CNKSR3: variants seen among roughly 807,000 people sequenced by gnomAD.
CNKSR3 encodes the protein CNKSR family member 3, also known as connector enhancer of kinase suppressor of ras 3.
CNKSR3 carries 36 observed loss-of-function variants against 67.7 expected under a neutral mutation model. That is an observed-to-expected ratio of 0.53 (90% CI 0.41 to 0.70). The LOEUF (loss-of-function observed/expected upper bound fraction) is 0.70. CNKSR3 is among the 30% of genes least tolerant of loss of function. CNKSR3 has a pLI of 0.00. For missense variants in CNKSR3, 630 were observed against 695.2 expected, an observed-to-expected ratio of 0.91 and a Z score of 1.05; for synonymous variants, 281 against 271.4, an observed-to-expected ratio of 1.04 and a Z score of -0.35.
chr6:154,395,810 C>T lies in CNKSR3; in HGVS notation c.*10544G>A, dbSNP rs1355689003. 2 of 152,644 alleles carry T rather than the reference C, an allele frequency of 1.3e-5. No individual in the cohort carries two copies. Among genetic ancestry groups the T allele is most frequent in the Middle Eastern group, 6.8e-3 (2 of 296 alleles). 9.5% of individuals were successfully genotyped at this position (152,644 alleles called of 1,614,324 possible). On this transcript the variant is annotated 3_prime_UTR_variant, in exon 13 of 13. Transcript: ENST00000607772. ...AGTGCAGTGGTGCAATCTGGGCTTACTGCAGCCTCTACCTCTCAGGCTCAA... is the reference window on the plus strand; with the variant it reads ...AGTGCAGTGGTGCAATCTGGGCTTATTGCAGCCTCTACCTCTCAGGCTCAA...
chr6:154,406,575 G>C lies in CNKSR3; in HGVS notation c.1447C>G (p.Arg483Gly). 1 of 1,614,210 alleles carries C rather than the reference G, an allele frequency of 6.2e-7. No homozygotes were observed. The highest frequency in any genetic ancestry group is 8.5e-7 in the Non-Finnish European group (1 of 1,180,042). ...CGCTCGGTCGTGGGTCTGGAGAACCGGTATGGGGGAGAGGAGCTCTCTTCA... is the reference window on the plus strand; with the variant it reads ...CGCTCGGTCGTGGGTCTGGAGAACCCGTATGGGGGAGAGGAGCTCTCTTCA... ...IIEESSSPPYRFSRPTTERHL... is the reference protein window; with the variant it reads ...IIEESSSPPYGFSRPTTERHL... The change falls in exon 13 of 13, where the codon CGG (arginine) becomes GGG (glycine). Residue 483 changes from arginine (R) to glycine (G), a missense_variant. Arg to Gly is a moderately radical substitution (Grantham distance 125). Coordinates refer to ENST00000607772, the MANE Select transcript of CNKSR3 (RefSeq NM_173515.4).
At chr6:154,453,367 C>T (rs1785878878) in intron 1 of CNKSR3, among the ~76,000 whole-genome samples, 1 of 152,112 alleles carries the variant, frequency 6.6e-6, no homozygotes, top group Non-Finnish European at 1.5e-5. Context: ...GAGTTCTAGA[C>T]AGTATGCAGG....
chr6:154,468,427 C>CACAA (rs751803019), intron 1 of CNKSR3, among the ~76,000 whole-genome samples: 1 of 151,044 alleles, frequency 6.6e-6, no homozygotes, highest in Non-Finnish European at 1.5e-5. Context: ...CACACACACA[C>CACAA]ACACACCATG....
chr6:154,441,260 A>ATG, intron 4 of CNKSR3, 32 bp downstream of exon 4: 6 of 1,259,110 alleles, frequency 4.8e-6, no homozygotes, highest in South Asian at 1.4e-5. Context: ...AAAAAAAAAA[A>ATG]AAAAAGAAAG....
In CNKSR3 at chr6:154,394,418, T is replaced by C. The variant is rs117426320; in HGVS notation, c.*11936A>G. 1,221 of 152,002 alleles carry C rather than the reference T, an allele frequency of 8.0e-3. 7 individuals carry two copies. Among genetic ancestry groups the C allele is most frequent in the Non-Finnish European group, 0.014 (953 of 67,942 alleles). 9.4% of individuals were successfully genotyped at this position (152,002 alleles called of 1,614,324 possible). On this transcript the variant is annotated 3_prime_UTR_variant, in exon 13 of 13. Coordinates refer to ENST00000607772, the MANE Select transcript of CNKSR3 (RefSeq NM_173515.4). ...GCCTGGGTCACCTTGAAGTCCAAAA[T>C]TGGAGACACCATAACCACGCTGGAG... is the stretch of plus-strand genomic sequence containing the variant.
At chr6:154,424,792 GTCTCACT>G (rs1785222719) in intron 7 of CNKSR3, among the ~76,000 whole-genome samples, 1 of 152,108 alleles carries the variant, frequency 6.6e-6, no homozygotes, top group Non-Finnish European at 1.5e-5. Context: ...TTTTGAGACA[GTCTCACT>G]CACGCTCAGT....
intron 1 of CNKSR3, among the ~76,000 whole-genome samples, chr6:154,506,764 T>G (rs575693906): frequency 6.6e-6 from 1 of 152,402 alleles, no homozygotes; most frequent in East Asian, 1.9e-4. Flanking sequence ...AGGCCTTTAC[T>G]GAACTGACTG....
chr6:154,435,299 A>G (rs945055916), intron 4 of CNKSR3, among the ~76,000 whole-genome samples: 1 of 151,918 alleles, frequency 6.6e-6, no homozygotes, highest in Non-Finnish European at 1.5e-5. Flanking sequence ...CCGGCCCACA[A>G]ATCTCTAAAT....
At chr6:154,484,334 G>C (rs140140693) in intron 1 of CNKSR3, among the ~76,000 whole-genome samples, 36 of 152,158 alleles carry the variant, frequency 2.4e-4, no homozygotes, top group Non-Finnish European at 3.2e-4. Flanking sequence ...TACCTAATAC[G>C]CAGGCTGTCA....
chr6:154,489,411 G>A (rs1786739076), intron 1 of CNKSR3, among the ~76,000 whole-genome samples: 1 of 152,082 alleles, frequency 6.6e-6, no homozygotes, highest in Admixed American at 6.5e-5. Flanking sequence ...CACGCCTGTA[G>A]TCCCAGCTAC....
At position 154,441,368 on chromosome 6, in the gene CNKSR3, G is replaced by A. The variant is rs368189629; in HGVS notation, c.431C>T (p.Thr144Ile). 3.0e-5 allele frequency: 49 copies of A among 1,613,494 alleles called. No individual in the cohort carries two copies. Among genetic ancestry groups the A allele is most frequent in the Non-Finnish European group, 4.1e-5 (48 of 1,179,728 alleles). Residue 144 changes from threonine (T) to isoleucine (I), a missense_variant, in exon 4 of 13, where the codon ACA becomes ATA. Around this residue, in one of 3 missense-constraint regions of CNKSR3, gnomAD observed 189 missense variants for 205.0 expected, o/e 0.92. Coordinates refer to ENST00000607772, the MANE Select transcript of CNKSR3 (RefSeq NM_173515.4). ...LLAWLDRAPFTGITDFSVTKN... is the reference protein window; with the variant it reads ...LLAWLDRAPFIGITDFSVTKN... ...CGTGACTGAGAAATCAGTGATCCCT[G>A]TAAACGGAGCCCTAGAAGGTAGCAA...
chr6:154,505,644 C>T (rs1192367552), intron 1 of CNKSR3, among the ~76,000 whole-genome samples: 1 of 150,950 alleles, frequency 6.6e-6, no homozygotes, highest in African/African-American at 2.4e-5. Flanking sequence ...ACTACAGGCG[C>T]CCACCACCAC....
intron 4 of CNKSR3, among the ~76,000 whole-genome samples, chr6:154,435,985 C>A (rs1471309945): frequency 6.6e-6 from 1 of 152,022 alleles, no homozygotes; most frequent in African/African-American, 2.4e-5. Flanking sequence ...ACGCGTCAAG[C>A]GTGGATGCAC....
intron 1 of CNKSR3, among the ~76,000 whole-genome samples, chr6:154,471,363 C>T (rs530449179): frequency 1.3e-5 from 2 of 152,206 alleles, no homozygotes; most frequent in East Asian, 3.9e-4. Flanking sequence ...CATGGTGAAA[C>T]CCCATCTCTA....
At position 154,430,523 on chromosome 6, in the gene CNKSR3, A is replaced by G. The variant is rs763263688; in HGVS notation, c.618T>C (p.Cys206=). The part of the protein sequence containing the change: ...RSTTDPVMSQ[C]ACLEEVHLPN... ...GTAAGTGAACTTCCTCCAGACATGC[A>G]CACTGGCTCATCACAGGATCTGTGG... is the stretch of plus-strand genomic sequence containing the variant. Residue 206 remains cysteine (C), a synonymous_variant, in exon 6 of 13, where the codon TGT becomes TGC. Transcript: ENST00000607772. 3.7e-6 allele frequency: 6 copies of G among 1,612,932 alleles called. No homozygotes were observed. Among genetic ancestry groups the G allele is most frequent in the Non-Finnish European group, 5.1e-6 (6 of 1,179,512 alleles).
At chr6:154,410,804 A>C (rs1331295857) in intron 11 of CNKSR3, 130 bp downstream of exon 11, 10 of 704,818 alleles carry the variant, frequency 1.4e-5, no homozygotes, top group Non-Finnish European at 2.2e-5. Flanking sequence ...TTAGAATTTC[A>C]TTGAGGTTTA....
intron 1 of CNKSR3, among the ~76,000 whole-genome samples, chr6:154,503,191 G>T (rs1582907837): frequency 6.6e-6 from 1 of 152,142 alleles, no homozygotes; most frequent in South Asian, 2.1e-4. Context: ...CCAACTATAG[G>T]ATAGTGTGAC....
intron 2 of CNKSR3, among the ~76,000 whole-genome samples, chr6:154,444,462 A>G (rs1336873918): frequency 6.6e-6 from 1 of 152,178 alleles, no homozygotes; most frequent in Non-Finnish European, 1.5e-5. Context: ...AACCTGCCCA[A>G]AAAAGCGCCA....
chr6:154,427,167 T>C (rs1453517804), intron 7 of CNKSR3, among the ~76,000 whole-genome samples: 1 of 152,238 alleles, frequency 6.6e-6, no homozygotes, highest in Non-Finnish European at 1.5e-5. Context: ...TTATAATTCA[T>C]TGACTGCCTT....
Sources: allele counts gnomAD v4.1 joint callset (sites outside exome capture counted in the v4.1 genomes callset), GRCh38; gene constraint gnomAD v4.1.1; regional missense constraint gnomAD v4.1.1; transcripts MANE v1.5; gene names NCBI Gene and HGNC (gene_info 2026-07-23, HGNC 2026-07-21).